The following GPC6 variants were observed in gnomAD, a reference collection of about 807,000 sequenced individuals.
GPC6 encodes the protein glypican 6.
Under a neutral mutation model 55.2 loss-of-function variants are expected in GPC6, and 14 were observed. The ratio of observed to expected loss-of-function variants is 0.25; its 90% confidence interval spans 0.17 to 0.40. GPC6 has a LOEUF of 0.40. Among genes scored for constraint, GPC6 ranks in the 10% least tolerant of loss-of-function variants. GPC6 has a pLI of 1.00. For synonymous variants in GPC6, 278 were observed against 259.6 expected, an observed-to-expected ratio of 1.07 and a Z score of -0.68; for missense variants, 641 against 708.5, an observed-to-expected ratio of 0.90 and a Z score of 1.08.
At chr13:93,941,782 C>T (rs1878750344) in intron 3 of GPC6, among the ~76,000 whole-genome samples, 1 of 152,110 alleles carries the variant, frequency 6.6e-6, no homozygotes, top group Non-Finnish European at 1.5e-5. Context: ...TTTTGTAGGA[C>T]ATTGTCTCAA....
At chr13:93,405,688 A>G (rs1349932617) in intron 1 of GPC6, among the ~76,000 whole-genome samples, 1 of 152,068 alleles carries the variant, frequency 6.6e-6, no homozygotes, top group Non-Finnish European at 1.5e-5. Flanking sequence ...TGTTTGTCAG[A>G]CTTAAAGGAG....
intron 3 of GPC6, among the ~76,000 whole-genome samples, chr13:94,019,698 CCTTA>C (rs1488432055): frequency 2.0e-5 from 3 of 152,082 alleles, no homozygotes; most frequent in Non-Finnish European, 4.4e-5. Flanking sequence ...TTATCTAGAT[CCTTA>C]CTTTATTTAT....
intron 4 of GPC6, among the ~76,000 whole-genome samples, chr13:94,141,569 G>T (rs1008941671): frequency 2.0e-5 from 3 of 152,120 alleles, no homozygotes; most frequent in African/African-American, 7.2e-5. Context: ...CACCACCAAG[G>T]ACTTCGTTTT....
intron 4 of GPC6, among the ~76,000 whole-genome samples, chr13:94,241,751 A>G (rs1398642843): frequency 2.0e-5 from 3 of 152,234 alleles, no homozygotes; most frequent in Admixed American, 2.0e-4. Context: ...AAACCCTTTT[A>G]GATCCCTTCT....
At chr13:93,316,162 T>G (rs1879241422) in intron 1 of GPC6, among the ~76,000 whole-genome samples, 1 of 152,116 alleles carries the variant, frequency 6.6e-6, no homozygotes. Context: ...GAATCATTTT[T>G]AACAAAGTGC....
At chr13:93,845,891 A>T (rs1391562399) in intron 3 of GPC6, among the ~76,000 whole-genome samples, 2 of 150,014 alleles carry the variant, frequency 1.3e-5, no homozygotes, top group Non-Finnish European at 3.0e-5. Flanking sequence ...CTAGATGACG[A>T]GTTAGTGGGT....
chr13:93,549,213 C>T (rs533469424), intron 2 of GPC6, among the ~76,000 whole-genome samples: 1 of 152,190 alleles, frequency 6.6e-6, no homozygotes, highest in Non-Finnish European at 1.5e-5. Context: ...TTCTCACCTT[C>T]CTCTCCTCTG....
intron 4 of GPC6, among the ~76,000 whole-genome samples, chr13:94,040,761 T>C (rs1042627429): frequency 6.6e-6 from 1 of 151,806 alleles, no homozygotes; most frequent in Non-Finnish European, 1.5e-5. Flanking sequence ...TTTTCCTAAC[T>C]CACATAGGAG....
At chr13:93,410,691 T>A (rs1876465239) in intron 1 of GPC6, among the ~76,000 whole-genome samples, 1 of 152,196 alleles carries the variant, frequency 6.6e-6, no homozygotes, top group Admixed American at 6.5e-5. Flanking sequence ...ATTTTTCATG[T>A]GAAAGAAGAA....
At chr13:93,933,470 G>A (rs1878284219) in intron 3 of GPC6, among the ~76,000 whole-genome samples, 1 of 152,084 alleles carries the variant, frequency 6.6e-6, no homozygotes, top group Non-Finnish European at 1.5e-5. Context: ...ACTCATTAAA[G>A]TGGCCTCGGA....
intron 1 of GPC6, among the ~76,000 whole-genome samples, chr13:93,422,630 A>G (rs1266511063): frequency 6.6e-6 from 1 of 152,176 alleles, no homozygotes; most frequent in East Asian, 1.9e-4. Flanking sequence ...AAGATGAGTG[A>G]ATGTATGCCA....
At chr13:93,895,202 A>ATG (rs572229582) in intron 3 of GPC6, among the ~76,000 whole-genome samples, 27 of 121,946 alleles carry the variant, frequency 2.2e-4, no homozygotes, top group Middle Eastern at 4.1e-3. Context: ...GTCCATATAT[A>ATG]TGTGTGTGTG....
At chr13:93,579,482 G>A (rs1411268911) in intron 2 of GPC6, among the ~76,000 whole-genome samples, 2 of 152,042 alleles carry the variant, frequency 1.3e-5, no homozygotes, top group Non-Finnish European at 2.9e-5. Context: ...AGGAGGAAGA[G>A]GTGCAGTAGT....
At chr13:94,356,276 C>A (rs779178751) in intron 6 of GPC6, among the ~76,000 whole-genome samples, 170 of 152,126 alleles carry the variant, frequency 1.1e-3, no homozygotes, top group Non-Finnish European at 1.4e-3. Context: ...TCTTTATAAC[C>A]GGATGATTTA....
intron 2 of GPC6, among the ~76,000 whole-genome samples, chr13:93,617,949 G>T (rs1047047170): frequency 1.3e-5 from 2 of 151,960 alleles, no homozygotes; most frequent in Non-Finnish European, 2.9e-5. Context: ...ATAGCTTGCT[G>T]CCCATCCATT....
intron 1 of GPC6, among the ~76,000 whole-genome samples, chr13:93,384,534 A>G (rs1279534852): frequency 6.6e-6 from 1 of 152,226 alleles, no homozygotes; most frequent in Non-Finnish European, 1.5e-5. Flanking sequence ...TGAAACTCAT[A>G]AAATTTGCCT....
chr13:93,880,060 A>G (rs1566583096), intron 3 of GPC6, among the ~76,000 whole-genome samples: 1 of 151,814 alleles, frequency 6.6e-6, no homozygotes, highest in African/African-American at 2.4e-5. Context: ...AAAAGTCAGG[A>G]AACAACAGGT....
Position 93,470,103 on chromosome 13 carries a change from G to C in GPC6, c.161-75160G>C, listed in dbSNP as rs181221291. 3.0e-4 allele frequency among the ~76,000 whole-genome samples: 46 copies of C among 151,942 alleles called. No individual in the cohort carries two copies. In the East Asian group the frequency reaches 5.8e-3, roughly 19 times the overall value. Reference sequence around the variant, plus strand: ...TTTTTTTGGTAATTCTAGATCTTTTGCCTTCCCAAATAAATTTTAAAATCA... The same window carrying C: ...TTTTTTTGGTAATTCTAGATCTTTTCCCTTCCCAAATAAATTTTAAAATCA... On this transcript the variant is annotated intron_variant, in intron 1 of 8. Transcript: ENST00000377047.
Position 93,894,493 on chromosome 13 carries a change from CA to C in GPC6, c.711+63957del, listed in dbSNP as rs200657458. Among the ~76,000 whole-genome samples the C allele has an allele frequency of 9.6e-3, 1,421 of 148,622 alleles. 15 individuals are homozygous for C. Among genetic ancestry groups the C allele is most frequent in the Non-Finnish European group, 0.016 (1,060 of 66,956 alleles). The stretch of plus-strand genomic sequence containing the variant: ...TATTTTCCACATATGCATTGCAAAC[CA>C]AAAAAAAATAAGCATGTAAGAAAAA... On this transcript the variant is annotated intron_variant, in intron 3 of 8. Transcript: ENST00000377047.
Sources: allele counts gnomAD v4.1 joint callset (sites outside exome capture counted in the v4.1 genomes callset), GRCh38; gene constraint gnomAD v4.1.1; transcripts MANE v1.5; gene names NCBI Gene and HGNC (gene_info 2026-07-23, HGNC 2026-07-21).